STOX2: variants seen among roughly 807,000 people sequenced by gnomAD.
STOX2 encodes storkhead box 2.
STOX2 carries 28 observed loss-of-function variants against 60.9 expected under a neutral mutation model. The observed-to-expected ratio is 0.46, with a 90% CI of 0.34 to 0.63. STOX2 has a LOEUF of 0.63. Ranked by LOEUF, STOX2 falls within the 30% of genes least tolerant of loss-of-function variation. The pLI, the probability that STOX2 is intolerant of heterozygous loss-of-function variation, is 0.01. For missense variants in STOX2, 1,024 were observed against 1,187.7 expected, an observed-to-expected ratio of 0.86 and a Z score of 2.03; for synonymous variants, 472 against 463.9, an observed-to-expected ratio of 1.02 and a Z score of -0.22.
chr4:183,919,359 G>A (rs1164611944), intron 1 of STOX2, among the ~76,000 whole-genome samples: 1 of 152,208 alleles, frequency 6.6e-6, no homozygotes, highest in African/African-American at 2.4e-5. Flanking sequence ...GCGCGGTGGA[G>A]TGTGCTTGGG....
intron 1 of STOX2, among the ~76,000 whole-genome samples, chr4:183,916,196 G>T (rs1048398321): frequency 6.6e-6 from 1 of 152,240 alleles, no homozygotes; most frequent in African/African-American, 2.4e-5. Flanking sequence ...GCAGCCGGCA[G>T]GTGGTGCCCC....
At chr4:183,970,348 T>G (rs1321644756) in intron 1 of STOX2, among the ~76,000 whole-genome samples, 1 of 152,112 alleles carries the variant, frequency 6.6e-6, no homozygotes, top group Admixed American at 6.5e-5. Flanking sequence ...ATGCTGATAA[T>G]TCAGTCTAAA....
chr4:183,823,670 C>T (rs986252788), intron 1 of STOX2, among the ~76,000 whole-genome samples: 5 of 152,158 alleles, frequency 3.3e-5, no homozygotes, highest in East Asian at 1.9e-4. Flanking sequence ...GCTCTGGGCC[C>T]GAGAGACACC....
At chr4:183,900,870 C>T (rs1741445110), upstream of STOX2, among the ~76,000 whole-genome samples, 3 of 152,148 alleles carry the variant, frequency 2.0e-5, no homozygotes, top group African/African-American at 7.2e-5. Flanking sequence ...AAATTTATTA[C>T]TATTTTTATT....
At chr4:183,947,345 G>T (rs1456024168) in intron 1 of STOX2, among the ~76,000 whole-genome samples, 1 of 152,056 alleles carries the variant, frequency 6.6e-6, no homozygotes, top group Non-Finnish European at 1.5e-5. Context: ...AGCTCGCAGA[G>T]GGCTGAGTGT....
At chr4:183,967,629 G>A (rs898891089) in intron 1 of STOX2, among the ~76,000 whole-genome samples, 4 of 152,126 alleles carry the variant, frequency 2.6e-5, no homozygotes, top group Non-Finnish European at 5.9e-5. Context: ...AACTTGTTGT[G>A]TGCTCTACGC....
chr4:183,948,130 A>G (rs1463225363), intron 1 of STOX2, among the ~76,000 whole-genome samples: 2 of 143,000 alleles, frequency 1.4e-5, no homozygotes, highest in Non-Finnish European at 3.0e-5. Context: ...AGGCAGGTAA[A>G]CCACTTGAAC....
intron 2 of STOX2, among the ~76,000 whole-genome samples, chr4:184,006,615 G>A (rs1733837883): frequency 7.0e-6 from 1 of 142,684 alleles, no homozygotes; most frequent in Admixed American, 7.5e-5. Context: ...TGAGCCTGGG[G>A]AAGTTGAGGC....
rs77323773 is a variant in STOX2 at position 183,999,461 on chromosome 4, A to G, written c.167-1864A>G. On this transcript the variant is annotated intron_variant, in intron 1 of 3. Coordinates refer to ENST00000308497, the MANE Select transcript of STOX2 (RefSeq NM_020225.3). ...TTTTTCTCCCTTCCTCCTTTTCTGG[A>G]TGTGGGTACTCCTGTCTCCCTCTGG... is the stretch of plus-strand genomic sequence containing the variant. 9.3e-3 allele frequency among the ~76,000 whole-genome samples: 1,411 copies of G among 151,932 alleles called. 25 individuals carry two copies. The highest frequency in any genetic ancestry group is 0.033 in the African/African-American group (1,353 of 41,388).
rs1411512226 is a variant in STOX2, at chr4:183,872,669, C to T, written c.364+74614C>T. ...GTGTGGCAAGCTCAGAAGCATATGA[C>T]ATAGCTGTTGCTAGGGTAAGCGTGC... On this transcript the variant is annotated intron_variant, in intron 1 of 2. Coordinates refer to the STOX2 transcript ENST00000513034. Among the ~76,000 whole-genome samples, 5 of 152,284 alleles carry T rather than the reference C, an allele frequency of 3.3e-5. No individual in the cohort carries two copies. In the South Asian group the frequency reaches 8.3e-4, roughly 25 times the overall value.
intron 1 of STOX2, among the ~76,000 whole-genome samples, chr4:183,960,607 G>T (rs546249830): frequency 6.6e-6 from 1 of 152,184 alleles, no homozygotes; most frequent in African/African-American, 2.4e-5. Flanking sequence ...ATACATTAAA[G>T]TGCATTTACA....
In STOX2 at chr4:184,017,850, C is replaced by A. The variant is rs1734444605; in HGVS notation, c.*566C>A. The A allele has an allele frequency of 6.6e-6, 1 of 152,116 alleles. No individual in the cohort carries two copies. The highest frequency in any genetic ancestry group is 6.5e-5 in the Admixed American group (1 of 15,282). The allele number at this position is 152,116 out of a possible 1,614,324, so 9.4% of individuals were successfully genotyped here. A position where few individuals can be genotyped will look rare whatever the true frequency, so the allele number is the denominator to read the frequency against. ...GCCCTTTGTGTGTGAATTGTTTATG[C>A]ACCAGTCATTTTTCACTGTGAGTTT... On this transcript the variant is annotated 3_prime_UTR_variant, in exon 4 of 4. Transcript: ENST00000308497.
intron 1 of STOX2, among the ~76,000 whole-genome samples, chr4:183,934,628 C>T (rs1277929296): frequency 1.3e-5 from 2 of 152,170 alleles, no homozygotes; most frequent in African/African-American, 4.8e-5. Context: ...TGATTTAGAG[C>T]AGCAGTTCTT....
chr4:183,935,354 GA>G (rs1180516763), intron 1 of STOX2, among the ~76,000 whole-genome samples: 2 of 152,014 alleles, frequency 1.3e-5, no homozygotes, highest in Non-Finnish European at 2.9e-5. Flanking sequence ...AGGGGAAGAT[GA>G]AAAAAAACAA....
intron 1 of STOX2, among the ~76,000 whole-genome samples, chr4:184,000,483 C>A (rs925089583): frequency 6.6e-6 from 1 of 152,158 alleles, no homozygotes; most frequent in Non-Finnish European, 1.5e-5. Context: ...TTTCTGAAAT[C>A]CACACCTGCC....
At chr4:183,798,876 G>A in intron 1 of STOX2, 1 of 638,820 alleles carries the variant, frequency 1.6e-6, no homozygotes, top group Non-Finnish European at 1.8e-6. Flanking sequence ...ATACTTTTGA[G>A]TTTTGTACTT....
Position 184,020,916 on chromosome 4 carries a change from TG to T in STOX2, c.*3636del, listed in dbSNP as rs1734562722. On this transcript the variant is annotated 3_prime_UTR_variant, in exon 4 of 4. Coordinates refer to ENST00000308497, the MANE Select transcript of STOX2 (RefSeq NM_020225.3). ...AATTTAAATTACATTGCAGTCACCA[TG>T]GGGAGAAGAAACCTGTTCAGTGGAA... 2 of 152,162 alleles carry T rather than the reference TG, an allele frequency of 1.3e-5. 1 individual carries two copies. The highest frequency in any genetic ancestry group is 4.1e-4 in the South Asian group (2 of 4,828). 9.4% of individuals were successfully genotyped at this position (152,162 alleles called of 1,614,324 possible).
Position 183,905,735 on chromosome 4 carries a change from A to T in STOX2, c.-1056A>T, listed in dbSNP as rs1243239144. 1 of 152,242 alleles carries T rather than the reference A, an allele frequency of 6.6e-6. No homozygotes were observed. The highest frequency in any genetic ancestry group is 1.5e-5 in the Non-Finnish European group (1 of 68,070). 9.4% of individuals were successfully genotyped at this position (152,242 alleles called of 1,614,324 possible). A position where few individuals can be genotyped will look rare whatever the true frequency, so the allele number is the denominator to read the frequency against. On this transcript the variant is annotated 5_prime_UTR_variant, in exon 1 of 4. The change abolishes the stop of an existing upstream ORF in the 5' untranslated region. Coordinates refer to ENST00000308497, the MANE Select transcript of STOX2 (RefSeq NM_020225.3). ...GAAGCCTGATGGGAACCGCGTTCTAACTTAAGGCAGCCTGGTGATTAGCAT... is the reference window on the plus strand; with the variant it reads ...GAAGCCTGATGGGAACCGCGTTCTATCTTAAGGCAGCCTGGTGATTAGCAT...
chr4:183,942,013 T>C (rs868404535), intron 1 of STOX2, among the ~76,000 whole-genome samples: 5 of 152,130 alleles, frequency 3.3e-5, no homozygotes, highest in South Asian at 2.1e-4. Flanking sequence ...TCCTCAGGGG[T>C]ATTTAGTACC....
Sources: allele counts gnomAD v4.1 joint callset (sites outside exome capture counted in the v4.1 genomes callset), GRCh38; gene constraint gnomAD v4.1.1; transcripts MANE v1.5; gene names NCBI Gene and HGNC (gene_info 2026-07-23, HGNC 2026-07-21).